Variants in C2orf92 observed in about 807,000 individuals in gnomAD.
C2orf92 encodes the protein chromosome 2 open reading frame 92, also known as uncharacterized protein C2orf92.
At chr2:97,700,531 A>G (rs1057170526) in intron 6 of C2orf92, among the ~76,000 whole-genome samples, 2 of 151,760 alleles carry the variant, frequency 1.3e-5, no homozygotes, top group Non-Finnish European at 2.9e-5. Context: ...TTTACCTCCT[A>G]CAAATTGTCT....
At chr2:97,671,501 T>A (rs991288443) in intron 1 of C2orf92, 1 of 398,494 alleles carries the variant, frequency 2.5e-6, no homozygotes, top group Non-Finnish European at 4.4e-6. Flanking sequence ...AAATCTTTGG[T>A]GAGTTACCCC....
chr2:97,688,413 G>A (rs1676032615), intron 3 of C2orf92, among the ~76,000 whole-genome samples: 1 of 152,172 alleles, frequency 6.6e-6, no homozygotes, highest in Non-Finnish European at 1.5e-5. Flanking sequence ...CCAGAAGCCT[G>A]AGAACTTAAA....
At chr2:97,693,912 AT>A (rs1676220591) in intron 5 of C2orf92, among the ~76,000 whole-genome samples, 1 of 152,252 alleles carries the variant, frequency 6.6e-6, no homozygotes, top group East Asian at 1.9e-4. Context: ...TACAATACAC[AT>A]AATATGAAGT....
chr2:97,678,027 C>T (rs145914885), intron 3 of C2orf92, among the ~76,000 whole-genome samples: 74 of 152,026 alleles, frequency 4.9e-4, no homozygotes, highest in South Asian at 4.2e-3. Context: ...GGTGAAATCC[C>T]GTCTCTACTA....
chr2:97,664,275 G>GAGC (rs1675129601), exon 1 of C2orf92: 1 of 153,548 alleles, frequency 6.5e-6, no homozygotes, highest in South Asian at 2.1e-4. Flanking sequence ...CTGGGCTGGT[G>GAGC]TGCGCGCGGC....
chr2:97,690,216 C>T (rs1676082653), intron 4 of C2orf92, 40 bp from the exon 5 acceptor site: 1 of 398,276 alleles, frequency 2.5e-6, no homozygotes, highest in Non-Finnish European at 4.4e-6. Flanking sequence ...TGATGAATAC[C>T]CTTTTTCTTA....
chr2:97,676,777 AAAAGAG>A (rs57009693), intron 3 of C2orf92, among the ~76,000 whole-genome samples: 17,631 of 152,004 alleles, frequency 0.12, 1,505 homozygotes, highest in African/African-American at 0.23. Flanking sequence ...CTATTAAAAA[AAAAGAG>A]AGAGACATCT....
At chr2:97,684,640 T>G (rs1675893095) in intron 3 of C2orf92, among the ~76,000 whole-genome samples, 1 of 152,164 alleles carries the variant, frequency 6.6e-6, no homozygotes, top group African/African-American at 2.4e-5. Flanking sequence ...TCATCAAAAT[T>G]AAAAACTGTT....
intron 5 of C2orf92, chr2:97,694,313 C>T (rs888797300): frequency 6.6e-6 from 1 of 150,626 alleles, no homozygotes; most frequent in African/African-American, 2.4e-5. Context: ...GATCTTGGCT[C>T]ACTGCAACCT....
At chr2:97,680,356 A>G (rs1336737487) in intron 3 of C2orf92, among the ~76,000 whole-genome samples, 2 of 152,208 alleles carry the variant, frequency 1.3e-5, no homozygotes, top group African/African-American at 4.8e-5. Flanking sequence ...CAGTAATCAC[A>G]TTAAATTTAA....
At chr2:97,682,767 T>C (rs1219754904) in intron 3 of C2orf92, among the ~76,000 whole-genome samples, 1 of 151,138 alleles carries the variant, frequency 6.6e-6, no homozygotes, top group Non-Finnish European at 1.5e-5. Context: ...CCTTTCATGA[T>C]TGAAAAAAAA....
chr2:97,673,525 G>A (rs1271217946), intron 1 of C2orf92, among the ~76,000 whole-genome samples: 1 of 152,182 alleles, frequency 6.6e-6, no homozygotes, highest in East Asian at 1.9e-4. Flanking sequence ...GACATCGAAT[G>A]TCGGTGAACA....
intron 2 of C2orf92, among the ~76,000 whole-genome samples, chr2:97,675,170 AG>A (rs769346721): frequency 8.5e-5 from 13 of 152,264 alleles, no homozygotes; most frequent in Non-Finnish European, 1.8e-4. Context: ...AAACCTTGTA[AG>A]GTGGACATCA....
upstream of C2orf92, among the ~76,000 whole-genome samples, chr2:97,666,481 G>A (rs1675233253): frequency 7.0e-6 from 1 of 143,178 alleles, no homozygotes; most frequent in Admixed American, 7.3e-5. Context: ...AGGTTGCAGT[G>A]AGCCGAGATC....
intron 5 of C2orf92, chr2:97,697,352 T>C (rs1245552566): frequency 6.6e-6 from 1 of 152,210 alleles, no homozygotes; most frequent in African/African-American, 2.4e-5. Context: ...ATACTGACGA[T>C]AAGAATAGGC....
At chr2:97,681,546 A>C (rs1675774914) in intron 3 of C2orf92, among the ~76,000 whole-genome samples, 1 of 152,250 alleles carries the variant, frequency 6.6e-6, no homozygotes, top group Non-Finnish European at 1.5e-5. Flanking sequence ...CAATGCCAAG[A>C]GGGAGATTTA....
intron 3 of C2orf92, 54 bp downstream of exon 3, chr2:97,675,982 T>G: frequency 2.5e-6 from 1 of 398,986 alleles, no homozygotes; most frequent in East Asian, 3.6e-5. Flanking sequence ...AGTTGCATGC[T>G]TGTCCCTGGT....
At chr2:97,690,583 G>A (rs1447210098) in intron 5 of C2orf92, among the ~76,000 whole-genome samples, 7 of 151,806 alleles carry the variant, frequency 4.6e-5, no homozygotes, top group Non-Finnish European at 2.9e-5. Context: ...GGGTTTCACC[G>A]TGTTAGCCAG....
upstream of C2orf92, chr2:97,664,182 G>C (rs1031696225): frequency 5.1e-6 from 1 of 196,562 alleles, no homozygotes; most frequent in African/African-American, 2.3e-5. Context: ...AAGTGGTCGC[G>C]GCGTTGCCAA....
Sources: gnomAD v4.1 joint callset for allele counts (sites outside exome capture counted in the v4.1 genomes callset) on GRCh38, gnomAD v4.1.1 for gene constraint, MANE v1.5 for transcripts, NCBI Gene and HGNC (gene_info 2026-07-23, HGNC 2026-07-21) for gene names.